The following NAV2 variants were observed in gnomAD, a reference collection of about 807,000 sequenced individuals.
The protein encoded by NAV2 is helicase, APC down-regulated 1.
Under a neutral mutation model 223.2 loss-of-function variants are expected in NAV2, and 54 were observed. The observed-to-expected ratio is 0.24, with a 90% CI of 0.19 to 0.30. The LOEUF is 0.30. NAV2 is among the 10% of genes least tolerant of loss of function. The pLI, the probability that NAV2 is intolerant of heterozygous loss-of-function variation, is 1.00. For synonymous variants in NAV2, 1,279 were observed against 1,239.3 expected (o/e 1.03, Z -0.67); for missense variants, 2,806 against 3,147.5 (o/e 0.89, Z 2.60).
chr11:19,907,120 C>G (rs572147016), intron 6 of NAV2, among the ~76,000 whole-genome samples: 21 of 151,942 alleles, frequency 1.4e-4, no homozygotes. Context: ...TGAAACCATA[C>G]AGAAAAATAC....
intron 1 of NAV2, among the ~76,000 whole-genome samples, chr11:19,602,455 C>A (rs1317162453): frequency 1.3e-5 from 2 of 152,102 alleles, no homozygotes; most frequent in African/African-American, 4.8e-5. Context: ...GGATGACAGG[C>A]ATGAGCTACC....
chr11:19,965,881 C>G (rs919572522), intron 10 of NAV2, among the ~76,000 whole-genome samples: 1 of 152,210 alleles, frequency 6.6e-6, no homozygotes, highest in Non-Finnish European at 1.5e-5. Context: ...GCAGGGCTGG[C>G]ATTGACTTGA....
intron 1 of NAV2, among the ~76,000 whole-genome samples, chr11:19,566,269 G>A (rs1417560958): frequency 6.6e-6 from 1 of 151,778 alleles, no homozygotes; most frequent in Non-Finnish European, 1.5e-5. Context: ...GTAAGAACAG[G>A]GTTTCACCAT....
intron 1 of NAV2, among the ~76,000 whole-genome samples, chr11:19,806,314 A>G (rs1315835061): frequency 6.6e-6 from 1 of 152,242 alleles, no homozygotes; most frequent in Admixed American, 6.5e-5. Context: ...ATTGTAAGTG[A>G]TAACTATTTC....
At chr11:19,766,488 T>G (rs2055238935) in intron 1 of NAV2, among the ~76,000 whole-genome samples, 1 of 152,182 alleles carries the variant, frequency 6.6e-6, no homozygotes, top group South Asian at 2.1e-4. Flanking sequence ...TGCTGATGTC[T>G]CTTAAGGAGG....
chr11:19,586,652 C>G (rs1042770983), intron 1 of NAV2, among the ~76,000 whole-genome samples: 2 of 151,980 alleles, frequency 1.3e-5, no homozygotes, highest in African/African-American at 2.4e-5. Flanking sequence ...CACTCCAGAC[C>G]CTGTTTGCCT....
At chr11:19,729,899 G>C (rs2051600982) in intron 1 of NAV2, among the ~76,000 whole-genome samples, 3 of 152,194 alleles carry the variant, frequency 2.0e-5, no homozygotes, top group African/African-American at 7.2e-5. Context: ...AGAATGGAGA[G>C]GGGAAGGGGT....
chr11:19,567,967 A>G (rs7129882), intron 1 of NAV2, among the ~76,000 whole-genome samples: 12,448 of 152,172 alleles, frequency 0.082, 1,766 homozygotes, highest in African/African-American at 0.29. Flanking sequence ...GTGTAACTTC[A>G]TATTTCATAT....
chr11:19,801,281 C>T (rs1016684978), intron 1 of NAV2, among the ~76,000 whole-genome samples: 2 of 152,204 alleles, frequency 1.3e-5, no homozygotes, highest in Non-Finnish European at 1.5e-5. Context: ...GTGCGGCCTG[C>T]CCCCTGCCTG....
chr11:20,101,114 G>T lies in NAV2; in HGVS notation c.6359G>T (p.Gly2120Val). The T allele has an allele frequency of 1.9e-6, 3 of 1,614,162 alleles. No homozygotes were observed. The highest frequency in any genetic ancestry group is 1.1e-5 in the South Asian group (1 of 91,082). The change falls in exon 32 of 38, where the codon GGA (glycine) becomes GTA (valine). Residue 2120 changes from glycine (G) to valine (V), a missense_variant. By Grantham distance (109) the Gly-to-Val change is moderately radical. Around this residue, in one of 4 missense-constraint regions of NAV2, gnomAD observed 824 missense variants for 1,069.4 expected, o/e 0.77. Transcript: ENST00000349880. ...TCTGAGTATATAGTGCTTCGAGAGG[G>T]ACGGGAGTTGACAGACGGGGTTATC... is the stretch of plus-strand genomic sequence containing the variant. ...RLSEYIVLREGRELTDGVIAT... is the reference protein window; with the variant it reads ...RLSEYIVLREVRELTDGVIAT...
At chr11:20,055,719 G>T in intron 18 of NAV2, 50 bp from the exon 19 acceptor site, 4 of 1,537,456 alleles carry the variant, frequency 2.6e-6, no homozygotes, top group South Asian at 2.3e-5. Context: ...ACCAGGATTT[G>T]AACAGAGACA....
At chr11:20,073,704 T>G (rs2059547150) in intron 22 of NAV2, among the ~76,000 whole-genome samples, 2 of 152,202 alleles carry the variant, frequency 1.3e-5, no homozygotes, top group Non-Finnish European at 2.9e-5. Context: ...TTCTTCTAGA[T>G]TTTCTAGTTT....
At chr11:19,670,342 G>C (rs958859740) in intron 1 of NAV2, among the ~76,000 whole-genome samples, 1 of 152,144 alleles carries the variant, frequency 6.6e-6, no homozygotes, top group Non-Finnish European at 1.5e-5. Flanking sequence ...GATTTCCTAG[G>C]AACTCCACAA....
In NAV2 at chr11:20,103,350, C is replaced by T. The variant is rs754749385; in HGVS notation, c.6513C>T (p.His2171=). Residue 2171 remains histidine (H), a synonymous_variant, in exon 33 of 38, where the codon CAC becomes CAT. Coordinates refer to ENST00000349880, the MANE Select transcript of NAV2 (RefSeq NM_145117.5). ...TCGTCATCATCCTGGACAACCTACA[C>T]CACGTGAGCTCTCTGGGAGAGATCT... ...MPLVIILDNL[H]HVSSLGEIFN... 16 of 1,614,058 alleles carry T rather than the reference C, an allele frequency of 9.9e-6. No individual in the cohort carries two copies. Among genetic ancestry groups the T allele is most frequent in the Non-Finnish European group, 1.2e-5 (14 of 1,179,996 alleles).
At chr11:19,600,231 G>A (rs1251256481) in intron 1 of NAV2, among the ~76,000 whole-genome samples, 3 of 152,150 alleles carry the variant, frequency 2.0e-5, no homozygotes, top group African/African-American at 2.4e-5. Flanking sequence ...CATTGGGTGT[G>A]GTTTTCTCCT....
chr11:19,786,771 A>G (rs1464630354), intron 1 of NAV2, among the ~76,000 whole-genome samples: 1 of 152,200 alleles, frequency 6.6e-6, no homozygotes, highest in Non-Finnish European at 1.5e-5. Flanking sequence ...CCAGTTTACA[A>G]CATAATTGGC....
intron 1 of NAV2, among the ~76,000 whole-genome samples, chr11:19,551,450 C>T (rs79653713): frequency 0.059 from 9,046 of 152,294 alleles, 966 homozygotes; most frequent in African/African-American, 0.21. Context: ...GTTGTGGACC[C>T]AGACGGCTGC....
chr11:19,842,911 C>T lies in NAV2; in HGVS notation c.426C>T (p.Asn142=), dbSNP rs1384736121. Residue 142 remains asparagine, a synonymous_variant, in exon 3 of 38, where the codon AAC becomes AAT. Transcript: ENST00000349880. ...KIEDINGCPK[N]RSQMIENIDA... ...AAGACATCAATGGCTGTCCGAAGAA[C>T]AGATCCCAAATGGTAAGTGGTGCAT... 5 of 1,613,822 alleles carry T rather than the reference C, an allele frequency of 3.1e-6. No homozygotes were observed. Among genetic ancestry groups the T allele is most frequent in the Non-Finnish European group, 3.4e-6 (4 of 1,179,886 alleles).
intron 22 of NAV2, among the ~76,000 whole-genome samples, chr11:20,075,303 A>C (rs933363494): frequency 8.6e-5 from 13 of 151,424 alleles, no homozygotes; most frequent in Non-Finnish European, 1.8e-4. Context: ...GGCTCACTGC[A>C]AGCTCCGCCT....
Sources: gnomAD v4.1 joint callset for allele counts (sites outside exome capture counted in the v4.1 genomes callset) on GRCh38, gnomAD v4.1.1 for gene constraint, gnomAD v4.1.1 regional missense constraint, MANE v1.5 for transcripts, NCBI Gene and HGNC (gene_info 2026-07-23, HGNC 2026-07-21) for gene names.